Variants in BMPR1A observed in about 807,000 individuals in gnomAD.
BMPR1A encodes bone morphogenetic protein receptor type 1A.
A neutral mutation model predicts 66.0 loss-of-function variants in BMPR1A; 7 were observed. The observed-to-expected ratio is 0.11, with a 90% CI of 0.06 to 0.20. The LOEUF (loss-of-function observed/expected upper bound fraction) is 0.20. Among genes scored for constraint, BMPR1A ranks in the 10% least tolerant of loss-of-function variants. The pLI is 1.00. For synonymous variants in BMPR1A, 200 were observed against 229.7 expected, an observed-to-expected ratio of 0.87 and a Z score of 1.17; for missense variants, 408 against 669.1, an observed-to-expected ratio of 0.61 and a Z score of 4.31.
chr10:86,912,118 A>G, intron 7 of BMPR1A, 122 bp from the exon 8 acceptor site: 1 of 1,041,516 alleles, frequency 9.6e-7, no homozygotes, highest in African/African-American at 1.6e-5. Context: ...ATCCAATGAT[A>G]AGACTAATTT....
At chr10:86,808,315 G>A (rs902945819) in intron 1 of BMPR1A, among the ~76,000 whole-genome samples, 1 of 151,718 alleles carries the variant, frequency 6.6e-6, no homozygotes, top group Admixed American at 6.6e-5. Flanking sequence ...AATTGGCTTA[G>A]CTAAAGGCTT....
chr10:86,821,082 A>AT (rs1356780602), intron 1 of BMPR1A, among the ~76,000 whole-genome samples: 2 of 151,978 alleles, frequency 1.3e-5, no homozygotes, highest in African/African-American at 2.4e-5. Flanking sequence ...TTGTGATCTG[A>AT]TTTTTTCTAT....
In BMPR1A at chr10:86,888,930, A is replaced by G. The variant is rs568560191; in HGVS notation, c.68-1132A>G. Among the ~76,000 whole-genome samples, 252 of 151,432 alleles carry G rather than the reference A, an allele frequency of 1.7e-3. 6 individuals carry two copies. The highest frequency in any genetic ancestry group is 0.015 in the Admixed American group (222 of 15,220). On this transcript the variant is annotated intron_variant, in intron 3 of 12. Transcript: ENST00000372037. ...TCTGTTACCTGTGTGTGCATATGTG[A>G]TATTTTTTGTCTTTTCAGTAGTTTA...
chr10:86,854,031 A>G (rs1248682666), intron 2 of BMPR1A, among the ~76,000 whole-genome samples: 1 of 152,156 alleles, frequency 6.6e-6, no homozygotes, highest in Non-Finnish European at 1.5e-5. Context: ...TCATCCCTAC[A>G]GTCTCGACCA....
chr10:86,860,560 A>T (rs1246875249), intron 2 of BMPR1A, among the ~76,000 whole-genome samples: 4 of 152,060 alleles, frequency 2.6e-5, no homozygotes, highest in Admixed American at 2.6e-4. Flanking sequence ...ACCCGAGATC[A>T]AGAGTTCGAG....
rs960414792 is a variant in BMPR1A, at chr10:86,809,651, T to C, written c.-267-29214T>C. Among the ~76,000 whole-genome samples, 9 of 149,916 alleles carry C rather than the reference T, an allele frequency of 6.0e-5. No homozygotes were observed. In the East Asian group the frequency reaches 1.8e-3, roughly 29 times the overall value. ...TTTTAAGAGACAGGGTCTTATTCTG[T>C]CGTCTAGGCCTCAGCTCCTGGCCTC... On this transcript the variant is annotated intron_variant, in intron 1 of 12. Coordinates refer to ENST00000372037, the MANE Select transcript of BMPR1A (RefSeq NM_004329.3).
At chr10:86,893,370 A>G (rs577187703) in intron 5 of BMPR1A, among the ~76,000 whole-genome samples, 1 of 152,340 alleles carries the variant, frequency 6.6e-6, no homozygotes, top group African/African-American at 2.4e-5. Context: ...TCTCTTCAAA[A>G]TTCTGCATAG....
chr10:86,771,459 A>G (rs1841259910), intron 1 of BMPR1A, among the ~76,000 whole-genome samples: 1 of 152,222 alleles, frequency 6.6e-6, no homozygotes, highest in Non-Finnish European at 1.5e-5. Context: ...GTATTCTATG[A>G]TATAGTTACT....
intron 1 of BMPR1A, among the ~76,000 whole-genome samples, chr10:86,801,889 C>CT (rs1357616239): frequency 6.6e-6 from 1 of 151,826 alleles, no homozygotes; most frequent in African/African-American, 2.4e-5. Context: ...ATTTTTTGTA[C>CT]TTTTTTAGTA....
At chr10:86,883,987 G>A (rs1843030648) in intron 3 of BMPR1A, among the ~76,000 whole-genome samples, 2 of 151,008 alleles carry the variant, frequency 1.3e-5, no homozygotes, top group African/African-American at 4.9e-5. Context: ...CGATTCTCCT[G>A]CCTCAGCCTG....
chr10:86,847,146 C>T (rs569578539), intron 2 of BMPR1A, among the ~76,000 whole-genome samples: 1 of 152,178 alleles, frequency 6.6e-6, no homozygotes, highest in South Asian at 2.1e-4. Context: ...TGAGCCCCTG[C>T]GCCTGGCCCA....
At chr10:86,776,968 C>G (rs914791543) in intron 1 of BMPR1A, among the ~76,000 whole-genome samples, 4 of 152,186 alleles carry the variant, frequency 2.6e-5, no homozygotes, top group African/African-American at 4.8e-5. Flanking sequence ...CTACCCTGAT[C>G]ATCACTTCCC....
chr10:86,825,624 G>A (rs1391775261), intron 1 of BMPR1A, among the ~76,000 whole-genome samples: 1 of 152,018 alleles, frequency 6.6e-6, no homozygotes, highest in African/African-American at 2.4e-5. Flanking sequence ...CTGCAGGCAC[G>A]TGCCACCATA....
intron 1 of BMPR1A, among the ~76,000 whole-genome samples, chr10:86,808,087 A>G (rs1841917245): frequency 2.0e-5 from 3 of 152,190 alleles, no homozygotes; most frequent in South Asian, 4.2e-4. Flanking sequence ...AATATCTTTA[A>G]TAGATATAGG....
chr10:86,924,574 A>G lies in BMPR1A; in HGVS notation c.*855A>G, dbSNP rs1187946796. ...CATCCTCTCCAAAGTTGGAGCTTCT[A>G]TTGCCATGAACCATGCTTACAAAGA... On this transcript the variant is annotated 3_prime_UTR_variant, in exon 13 of 13. Transcript: ENST00000372037. 8 of 233,436 alleles carry G rather than the reference A, an allele frequency of 3.4e-5. No homozygotes were observed. Among genetic ancestry groups the G allele is most frequent in the East Asian group, 1.8e-4 (3 of 16,596 alleles). 14.5% of individuals were successfully genotyped at this position (233,436 alleles called of 1,614,324 possible).
chr10:86,866,439 C>T (rs1418574355), intron 2 of BMPR1A, among the ~76,000 whole-genome samples: 1 of 92,464 alleles, frequency 1.1e-5, no homozygotes, highest in African/African-American at 5.3e-5. Flanking sequence ...GATGGAGTCT[C>T]GCACTGTCAC....
At chr10:86,835,249 G>GAAAAAAAAAAAAAAAAGA (rs200647478) in intron 1 of BMPR1A, among the ~76,000 whole-genome samples, 1 of 117,392 alleles carries the variant, frequency 8.5e-6, no homozygotes. Flanking sequence ...AAGAAAAAAA[G>GAAAAAAAAAAAAAAAAGA]AAAAAAAAAA....
intron 1 of BMPR1A, among the ~76,000 whole-genome samples, chr10:86,763,786 AGTT>A (rs1387295035): frequency 4.4e-4 from 59 of 134,318 alleles, no homozygotes; most frequent in African/African-American, 1.6e-3. Flanking sequence ...AGACTTGGAT[AGTT>A]GTTTTTTTTT....
At chr10:86,872,962 G>C (rs1350270984) in intron 2 of BMPR1A, among the ~76,000 whole-genome samples, 1 of 152,170 alleles carries the variant, frequency 6.6e-6, no homozygotes, top group Non-Finnish European at 1.5e-5. Context: ...GAGAGGTTAA[G>C]TTAAAGGCAG....
Sources: gnomAD v4.1 joint callset for allele counts (sites outside exome capture counted in the v4.1 genomes callset) on GRCh38, gnomAD v4.1.1 for gene constraint, MANE v1.5 for transcripts, NCBI Gene and HGNC (gene_info 2026-07-23, HGNC 2026-07-21) for gene names.